DLG2: variants seen among roughly 807,000 people sequenced by gnomAD.
DLG2 encodes disks large homolog 2.
DLG2 carries 45 observed loss-of-function variants against 132.5 expected under a neutral mutation model. That is an observed-to-expected ratio of 0.34 (90% CI 0.27 to 0.44). DLG2 has a LOEUF of 0.44. Among genes scored for constraint, DLG2 ranks in the 20% least tolerant of loss-of-function variants. The probability of loss-of-function intolerance (pLI) is 1.00; values close to 1 mark genes in which losing one functional copy is unlikely to be tolerated. For missense variants in DLG2, 1,045 were observed against 1,196.9 expected, an observed-to-expected ratio of 0.87 and a Z score of 1.87; for synonymous variants, 424 against 419.6, an observed-to-expected ratio of 1.01 and a Z score of -0.13.
rs142673769 is a variant in DLG2, at chr11:85,385,424, G to C, written c.41-100059C>G. Among the ~76,000 whole-genome samples the C allele has an allele frequency of 5.1e-4, 77 of 152,192 alleles. 1 individual carries two copies. The East Asian group carries it at 0.014, about 27-fold the overall frequency. ...GAGTAGGGAAGTTATTTCTTCCCAA[G>C]TTTTATAAAACTCTTTATAAGGATG... On this transcript the variant is annotated intron_variant, in intron 3 of 27. Coordinates refer to ENST00000376104, the MANE Select transcript of DLG2 (RefSeq NM_001142699.3).
At chr11:84,868,091 T>G (rs916735306) in intron 6 of DLG2, among the ~76,000 whole-genome samples, 40 of 148,198 alleles carry the variant, frequency 2.7e-4, no homozygotes, top group African/African-American at 9.8e-4. Context: ...TAATAATTCT[T>G]ATTAATAATA....
At chr11:85,518,887 C>A (rs1360350265) in intron 3 of DLG2, among the ~76,000 whole-genome samples, 2 of 152,186 alleles carry the variant, frequency 1.3e-5, no homozygotes, top group Non-Finnish European at 1.5e-5. Flanking sequence ...CAAGGTACAG[C>A]TCAGGTTGTT....
At chr11:83,961,894 A>G (rs1292716768) in intron 14 of DLG2, among the ~76,000 whole-genome samples, 1 of 152,166 alleles carries the variant, frequency 6.6e-6, no homozygotes, top group South Asian at 2.1e-4. Context: ...TTCAGCGTCT[A>G]AACATTCCAT....
intron 6 of DLG2, among the ~76,000 whole-genome samples, chr11:84,688,446 A>G (rs1220383576): frequency 6.6e-6 from 1 of 152,218 alleles, no homozygotes; most frequent in Non-Finnish European, 1.5e-5. Context: ...TCAGTTATGA[A>G]AAAAATACAC....
At chr11:84,280,616 T>C (rs2097844101) in intron 7 of DLG2, among the ~76,000 whole-genome samples, 1 of 152,164 alleles carries the variant, frequency 6.6e-6, no homozygotes, top group African/African-American at 2.4e-5. Flanking sequence ...GAGGATATAA[T>C]ATTAAGATTT....
chr11:84,087,169 G>A (rs956444920), intron 10 of DLG2, among the ~76,000 whole-genome samples: 2 of 152,156 alleles, frequency 1.3e-5, no homozygotes, highest in African/African-American at 4.8e-5. Context: ...TTGGGTATAT[G>A]CTAGGAGTAG....
chr11:85,055,397 T>C (rs1396612521), intron 6 of DLG2, among the ~76,000 whole-genome samples: 1 of 152,182 alleles, frequency 6.6e-6, no homozygotes, highest in Admixed American at 6.5e-5. Context: ...CCAGGACTTA[T>C]GGGTCCAAGA....
At chr11:84,626,683 A>G (rs922174495) in intron 6 of DLG2, among the ~76,000 whole-genome samples, 2 of 152,172 alleles carry the variant, frequency 1.3e-5, no homozygotes, top group Non-Finnish European at 2.9e-5. Flanking sequence ...ACACAAAGTT[A>G]GCTCTGCACT....
intron 6 of DLG2, among the ~76,000 whole-genome samples, chr11:84,655,687 T>A (rs1465614927): frequency 6.6e-6 from 1 of 152,060 alleles, no homozygotes; most frequent in East Asian, 1.9e-4. Context: ...TAAACCTCTT[T>A]ATCCTCATCT....
chr11:84,630,377 T>C (rs2099629475), intron 6 of DLG2, among the ~76,000 whole-genome samples: 3 of 152,156 alleles, frequency 2.0e-5, no homozygotes, highest in Non-Finnish European at 4.4e-5. Context: ...CTATGACTCC[T>C]CCTTTGATCT....
intron 16 of DLG2, among the ~76,000 whole-genome samples, chr11:83,846,742 T>C (rs1370527670): frequency 6.6e-6 from 1 of 151,794 alleles, no homozygotes; most frequent in Admixed American, 6.6e-5. Flanking sequence ...AAATCAACTA[T>C]AGATCAATTA....
intron 7 of DLG2, among the ~76,000 whole-genome samples, chr11:84,384,539 T>G (rs142501920): frequency 6.6e-6 from 1 of 152,116 alleles, no homozygotes; most frequent in Admixed American, 6.6e-5. Flanking sequence ...ATTCAAATAC[T>G]GAACTGCGTA....
chr11:84,063,878 C>T (rs2096629610), intron 10 of DLG2, among the ~76,000 whole-genome samples: 1 of 150,630 alleles, frequency 6.6e-6, no homozygotes, highest in Non-Finnish European at 1.5e-5. Flanking sequence ...AAACCAAACA[C>T]TGCATGATCT....
At chr11:85,271,732 C>T (rs754871889) in intron 4 of DLG2, among the ~76,000 whole-genome samples, 17 of 152,248 alleles carry the variant, frequency 1.1e-4, no homozygotes, top group Non-Finnish European at 2.2e-4. Context: ...TTCAGACTTG[C>T]ATGGGGCCTT....
chr11:84,045,240 T>C (rs925634395), intron 11 of DLG2, among the ~76,000 whole-genome samples: 1 of 151,766 alleles, frequency 6.6e-6, no homozygotes, highest in Non-Finnish European at 1.5e-5. Flanking sequence ...CTGGGTAACA[T>C]ATGCACTTGC....
At chr11:83,947,458 T>C (rs867924729) in intron 14 of DLG2, among the ~76,000 whole-genome samples, 1 of 152,160 alleles carries the variant, frequency 6.6e-6, no homozygotes, top group East Asian at 1.9e-4. Flanking sequence ...TAAATGTATG[T>C]TTTATTAGGC....
rs141204029 is a variant in DLG2 at position 83,897,533 on chromosome 11, C to G, written c.1497-23045G>C. ...TTGAAACATAAATTTCTTTGAATCT[C>G]TGCTCTCTAAATAACCCTCTAAAAT... On this transcript the variant is annotated intron_variant, in intron 15 of 27. Transcript: ENST00000376104. Among the ~76,000 whole-genome samples, 872 of 152,254 alleles carry G rather than the reference C, an allele frequency of 5.7e-3. 7 individuals are homozygous for G. The highest frequency in any genetic ancestry group is 0.02 in the African/African-American group (826 of 41,556).
At chr11:84,421,091 T>C (rs1180084402) in intron 7 of DLG2, among the ~76,000 whole-genome samples, 1 of 152,116 alleles carries the variant, frequency 6.6e-6, no homozygotes, top group Non-Finnish European at 1.5e-5. Context: ...TCTTATAAGT[T>C]AGTTCCCAGA....
chr11:83,746,284 T>C (rs1249533066), intron 18 of DLG2, among the ~76,000 whole-genome samples: 2 of 152,184 alleles, frequency 1.3e-5, no homozygotes, highest in Non-Finnish European at 2.9e-5. Flanking sequence ...ACACGTATGT[T>C]TATTGCGGCA....
Sources: gnomAD v4.1 joint callset for allele counts (sites outside exome capture counted in the v4.1 genomes callset) on GRCh38, gnomAD v4.1.1 for gene constraint, MANE v1.5 for transcripts, NCBI Gene and HGNC (gene_info 2026-07-23, HGNC 2026-07-21) for gene names.